The following REPS2 variants were observed in gnomAD, a reference collection of about 807,000 sequenced individuals.
The protein encoded by REPS2 is RALBP1 associated Eps domain containing 2.
Under a neutral mutation model 53.6 loss-of-function variants are expected in REPS2, and 23 were observed. The observed-to-expected ratio is 0.43, with a 90% CI of 0.31 to 0.61. The LOEUF (loss-of-function observed/expected upper bound fraction) is 0.61. REPS2 is among the 20% of genes least tolerant of loss of function. REPS2 has a pLI of 0.11. For synonymous variants in REPS2, 238 were observed against 218.6 expected, an observed-to-expected ratio of 1.09 and a Z score of -0.78; for missense variants, 446 against 534.9, an observed-to-expected ratio of 0.83 and a Z score of 1.64.
At chrX:17,145,453 C>T (rs1309218702) in intron 17 of REPS2, among the ~76,000 whole-genome samples, 1 of 111,340 alleles carries the variant, frequency 9.0e-6, no homozygotes, top group Non-Finnish European at 1.9e-5. Flanking sequence ...TGCCAACCCT[C>T]TCCTTGAAAT....
chrX:17,112,000 G>A (rs1013822267), intron 14 of REPS2, among the ~76,000 whole-genome samples: 54 of 109,696 alleles, frequency 4.9e-4, no homozygotes, highest in Admixed American at 4.6e-3. Context: ...ACAGGGTCTC[G>A]CTCTGTTGTC....
At chrX:17,124,852 ACTT>A (rs1279468727) in intron 14 of REPS2, among the ~76,000 whole-genome samples, 3 of 103,106 alleles carry the variant, frequency 2.9e-5, no homozygotes, top group African/African-American at 1.1e-4. Flanking sequence ...CTACAGATGG[ACTT>A]CTTTTTTTTT....
Position 17,029,552 on chromosome X carries a change from G to T in REPS2, c.700G>T (p.Val234Phe), listed in dbSNP as rs144810333. Residue 234 changes from valine to phenylalanine, a missense_variant, in exon 5 of 18, where the codon GTC becomes TTC. Coordinates refer to ENST00000357277, the MANE Select transcript of REPS2 (RefSeq NM_004726.3). ...PAPYEARQPL[V>F]QPEGSSSGGP... ...ACCTTATGAAGCTAGGCAGCCCCTT[G>T]TCCAGCCCGAGGGATCCTCATCAGG... 6.3e-4 allele frequency: 763 copies of T among 1,208,962 alleles called. 1 individual carries two copies. The highest frequency in any genetic ancestry group is 1.1e-3 in the Middle Eastern group (5 of 4,348).
At chrX:17,079,426 C>T (rs1394809825) in intron 13 of REPS2, among the ~76,000 whole-genome samples, 3 of 111,760 alleles carry the variant, frequency 2.7e-5, no homozygotes, top group Admixed American at 9.5e-5. Context: ...CGTAGTACAC[C>T]ATTCATTGAT....
chrX:17,158,298 G>A, the REPS2 span, among the ~76,000 whole-genome samples: 1 of 111,372 alleles, frequency 9.0e-6, no homozygotes, highest in Non-Finnish European at 1.9e-5. Context: ...CAAATACATA[G>A]CCGCACATAT....
At chrX:17,069,688 G>A (rs1028227594) in intron 10 of REPS2, among the ~76,000 whole-genome samples, 2 of 111,479 alleles carry the variant, frequency 1.8e-5, no homozygotes, top group African/African-American at 6.5e-5. Flanking sequence ...TCTGCTTGAG[G>A]TGCTGTCTCT....
chrX:17,014,736 T>A (rs1018715076), intron 2 of REPS2, among the ~76,000 whole-genome samples: 1 of 112,191 alleles, frequency 8.9e-6, no homozygotes, highest in South Asian at 3.7e-4. Context: ...GTCAAGAATT[T>A]TTGTTACGGT....
Position 17,138,969 on chromosome X carries a change from A to C in REPS2, c.1914+8A>C, listed in dbSNP as rs765018926. On this transcript the variant is annotated splice_region_variant and intron_variant, in intron 17 of 17. Transcript: ENST00000357277. ...CTCCAGCAGCAGCTCAAGGTAAGGA[A>C]TGAGTCCCAGATTTGGATGACCAGG... The C allele has an allele frequency of 8.9e-6, 10 of 1,125,195 alleles. No homozygotes were observed. In the Admixed American group the frequency reaches 2.2e-4, roughly 24 times the overall value. The allele number at this position is 1,125,195 out of a possible 1,213,427, so 92.7% of individuals were successfully genotyped here.
At chrX:17,076,551 A>G (rs2062384198) in intron 12 of REPS2, among the ~76,000 whole-genome samples, 1 of 112,245 alleles carries the variant, frequency 8.9e-6, no homozygotes, top group South Asian at 3.7e-4. Context: ...TGGGATATAG[A>G]AACAGAGATT....
chrX:17,052,724 A>C (rs2062020024), intron 7 of REPS2, among the ~76,000 whole-genome samples: 1 of 112,371 alleles, frequency 8.9e-6, no homozygotes, highest in Admixed American at 9.5e-5. Context: ...CAGTCTAGGC[A>C]GTTGTGGGCA....
intron 1 of REPS2, among the ~76,000 whole-genome samples, chrX:16,961,281 C>T (rs968522116): frequency 2.7e-5 from 3 of 111,033 alleles, no homozygotes; most frequent in African/African-American, 6.5e-5. Flanking sequence ...AACAGAGATC[C>T]GAGAAATATA....
intron 4 of REPS2, among the ~76,000 whole-genome samples, chrX:17,026,048 G>A (rs775709747): frequency 4.5e-5 from 5 of 111,773 alleles, no homozygotes; most frequent in African/African-American, 6.5e-5. Context: ...AAAACTGCGC[G>A]CTAGGCTGAA....
intron 1 of REPS2, among the ~76,000 whole-genome samples, chrX:16,959,219 C>G (rs1232557454): frequency 8.9e-6 from 1 of 112,344 alleles, no homozygotes; most frequent in African/African-American, 3.2e-5. Context: ...CCACCCAGGC[C>G]CCCCCAGGTA....
intron 14 of REPS2, among the ~76,000 whole-genome samples, chrX:17,105,287 C>G (rs775963140): frequency 8.9e-6 from 1 of 111,854 alleles, no homozygotes; most frequent in African/African-American, 3.2e-5. Flanking sequence ...TCCACACCAA[C>G]AGCAAACCTG....
chrX:17,030,347 G>A (rs914377613), intron 5 of REPS2, among the ~76,000 whole-genome samples: 3 of 109,462 alleles, frequency 2.7e-5, no homozygotes, highest in Non-Finnish European at 3.8e-5. Flanking sequence ...GTGTGTGCAC[G>A]CGCGGGTGTG....
At chrX:16,965,568 C>A (rs1248201060) in intron 1 of REPS2, among the ~76,000 whole-genome samples, 1 of 110,621 alleles carries the variant, frequency 9.0e-6, no homozygotes, top group Admixed American at 9.4e-5. Flanking sequence ...CGGGCAGAGA[C>A]GCTCCTCACA....
At chrX:17,178,431 C>T in the REPS2 span, among the ~76,000 whole-genome samples, 2 of 112,164 alleles carry the variant, frequency 1.8e-5, no homozygotes, top group Non-Finnish European at 3.8e-5. Context: ...TCTTTGCTGA[C>T]TGTGAATTAT....
intron 13 of REPS2, among the ~76,000 whole-genome samples, chrX:17,098,865 C>T (rs902936127): frequency 9.0e-6 from 1 of 111,548 alleles, no homozygotes; most frequent in Non-Finnish European, 1.9e-5. Flanking sequence ...ACCCTCTTTC[C>T]CTTCCCCAAC....
At chrX:17,018,337 C>T (rs1392716731) in intron 2 of REPS2, among the ~76,000 whole-genome samples, 3 of 109,212 alleles carry the variant, frequency 2.7e-5, no homozygotes, top group Non-Finnish European at 3.8e-5. Flanking sequence ...CAGGCGCATG[C>T]ACCACTACAC....
Sources: gnomAD v4.1 joint callset for allele counts (sites outside exome capture counted in the v4.1 genomes callset) on GRCh38, gnomAD v4.1.1 for gene constraint, MANE v1.5 for transcripts, NCBI Gene and HGNC (gene_info 2026-07-23, HGNC 2026-07-21) for gene names.